FBLN7: variants seen among roughly 807,000 people sequenced by gnomAD.
The protein encoded by FBLN7 is fibulin-7.
Under a neutral mutation model 44.0 loss-of-function variants are expected in FBLN7, and 31 were observed. The observed-to-expected ratio is 0.70, with a 90% CI of 0.53 to 0.95. FBLN7 has a LOEUF of 0.95. Ranked by LOEUF, FBLN7 falls within the 40% of genes least tolerant of loss-of-function variation. FBLN7 has a pLI of 0.00. For missense variants in FBLN7, 573 were observed against 618.5 expected, an observed-to-expected ratio of 0.93 and a Z score of 0.78; for synonymous variants, 262 against 253.4, an observed-to-expected ratio of 1.03 and a Z score of -0.32.
Position 112,187,687 on chromosome 2 carries a change from A to G in FBLN7, c.*181A>G. On this transcript the variant is annotated 3_prime_UTR_variant, in exon 8 of 8. Coordinates refer to ENST00000331203, the MANE Select transcript of FBLN7 (RefSeq NM_153214.3). This position sits in a 1 kb window ranked among gnomAD's most constrained non-coding sequence, Gnocchi z 5.1. Reference sequence around the variant, plus strand: ...AATAGCACGGAAGAGCAGCCACAAAACTCAACTGCTGCCATCACTCTTTTT... The same window carrying G: ...AATAGCACGGAAGAGCAGCCACAAAGCTCAACTGCTGCCATCACTCTTTTT... The G allele has an allele frequency of 2.8e-6, 2 of 706,836 alleles. No homozygotes were observed. Among genetic ancestry groups the G allele is most frequent in the Non-Finnish European group, 4.5e-6 (2 of 441,076 alleles). 43.8% of individuals were successfully genotyped at this position (706,836 alleles called of 1,614,324 possible).
At position 112,147,480 on chromosome 2, in the gene FBLN7, C is replaced by T. The variant is rs117339167; in HGVS notation, c.75+8750C>T. ...TTTTTAATTTTCCTAGAGTTTATTC[C>T]CTTTTGCCTCAGTCTGCCGTCTACA... is the stretch of plus-strand genomic sequence containing the variant. On this transcript the variant is annotated intron_variant, in intron 1 of 7. Coordinates refer to ENST00000331203, the MANE Select transcript of FBLN7 (RefSeq NM_153214.3). Among the ~76,000 whole-genome samples the T allele has an allele frequency of 9.2e-5, 14 of 152,224 alleles. No individual in the cohort carries two copies. The East Asian group carries it at 2.7e-3, about 29-fold the overall frequency.
At chr2:112,218,594 G>A in the FBLN7 span, among the ~76,000 whole-genome samples, 41 of 152,130 alleles carry the variant, frequency 2.7e-4, no homozygotes, top group Non-Finnish European at 3.7e-4. Context: ...AACAACACAA[G>A]TTTGAACTGT....
Position 112,181,858 on chromosome 2 carries a change from G to C in FBLN7, c.652G>C (p.Gly218Arg), listed in dbSNP as rs780750281. 3.6e-5 allele frequency: 55 copies of C among 1,529,400 alleles called. No homozygotes were observed. Among genetic ancestry groups the C allele is most frequent in the Admixed American group, 1.2e-4 (6 of 50,192 alleles). 94.7% of individuals were successfully genotyped at this position (1,529,400 alleles called of 1,614,324 possible). A position where few individuals can be genotyped will look rare whatever the true frequency, so the allele number is the denominator to read the frequency against. ...EAGFHLSGAA[G>R]DSVCQDVNEC... ...CGGATTCCACCTGAGCGGCGCCGCC[G>C]GCGACAGCGTCTGCCAGGGTAGGCG... Residue 218 changes from glycine to arginine, a missense_variant, in exon 5 of 8, where the codon GGC becomes CGC. By Grantham distance (125) the Gly-to-Arg change is moderately radical (BLOSUM62 -2). Transcript: ENST00000331203.
At chr2:112,233,982 A>G in the FBLN7 span, 20 of 552,366 alleles carry the variant, frequency 3.6e-5, no homozygotes, top group Non-Finnish European at 5.6e-5. Context: ...ACATAAAAGA[A>G]TACTTCACTA....
the FBLN7 span, among the ~76,000 whole-genome samples, chr2:112,198,154 A>G: frequency 6.6e-6 from 1 of 152,134 alleles, no homozygotes; most frequent in Non-Finnish European, 1.5e-5. Context: ...CCTCTGTAAC[A>G]ATATTCCTGC....
At chr2:112,238,460 T>C in the FBLN7 span, 83 of 1,613,382 alleles carry the variant, frequency 5.1e-5, no homozygotes, top group Non-Finnish European at 6.4e-5. Context: ...TATCACTATA[T>C]ACATCATAGT....
chr2:112,163,725 G>GGCTGCTTCCTGCCTGGGCTCCA (rs755605008), intron 2 of FBLN7, among the ~76,000 whole-genome samples: 7 of 152,312 alleles, frequency 4.6e-5, no homozygotes, highest in African/African-American at 1.4e-4. Context: ...TGCTGAGAGA[G>GGCTGCTTCCTGCCTGGGCTCCA]ACCTCCAGAG....
rs1329389287 is a variant in FBLN7 at position 112,187,481 on chromosome 2, T to A, written c.1295T>A (p.Ile432Asn). 1 of 1,614,166 alleles carries A rather than the reference T, an allele frequency of 6.2e-7. No individual in the cohort carries two copies. Among genetic ancestry groups the A allele is most frequent in the South Asian group, 1.1e-5 (1 of 91,090 alleles). ...GCCAACCACGTGTCCAAGGTCACCA[T>A]CTTTGTATCCCCCTATGACTTCTGA... is the stretch of plus-strand genomic sequence containing the variant. ...FQANHVSKVT[I>N]FVSPYDF Residue 432 changes from isoleucine (I) to asparagine (N), a missense_variant, in exon 8 of 8, where the codon ATC (isoleucine) becomes AAC (asparagine). Physicochemically the swap from Ile to Asn is moderately radical, Grantham distance 149. Transcript: ENST00000331203. The surrounding 1 kb of genome is among the most constrained non-coding windows in gnomAD (Gnocchi z 5.1).
the FBLN7 span, among the ~76,000 whole-genome samples, chr2:112,237,054 C>A: frequency 1.3e-5 from 2 of 152,158 alleles, no homozygotes; most frequent in Admixed American, 6.5e-5. Flanking sequence ...GAGTGAGAAC[C>A]TGTCGCAAAA....
chr2:112,157,140 C>T (rs376575773), intron 1 of FBLN7, among the ~76,000 whole-genome samples: 3 of 152,304 alleles, frequency 2.0e-5, no homozygotes, highest in Admixed American at 6.5e-5. Context: ...GAGGCCAAGG[C>T]AGGCAGATCA....
chr2:112,232,366 CTATT>C, the FBLN7 span, among the ~76,000 whole-genome samples: 4 of 149,436 alleles, frequency 2.7e-5, no homozygotes, highest in South Asian at 6.5e-4. Context: ...CTGGATTTCT[CTATT>C]TAAAGTATGA....
At chr2:112,166,597 G>A (rs1172613768) in intron 3 of FBLN7, among the ~76,000 whole-genome samples, 1 of 151,872 alleles carries the variant, frequency 6.6e-6, no homozygotes, top group Non-Finnish European at 1.5e-5. Context: ...AACAAAACAG[G>A]GGAAATGCCA....
the FBLN7 span, among the ~76,000 whole-genome samples, chr2:112,218,392 G>T: frequency 6.6e-6 from 1 of 151,978 alleles, no homozygotes; most frequent in African/African-American, 2.4e-5. Flanking sequence ...TATTGAGTAT[G>T]GTGCATTCCT....
the FBLN7 span, among the ~76,000 whole-genome samples, chr2:112,197,256 CACACACACACACACACACAGAGAGAG>C: frequency 7.9e-6 from 1 of 125,880 alleles, no homozygotes; most frequent in African/African-American, 3.1e-5. Flanking sequence ...CACACACACA[CACACACACACACACACACAGAGAGAG>C]AGAGAGAGAG....
Position 112,187,036 on chromosome 2 carries a change from G to C in FBLN7, c.948-98G>C, listed in dbSNP as rs1683299600. On this transcript the variant is annotated intron_variant, in intron 7 of 7. Coordinates refer to ENST00000331203, the MANE Select transcript of FBLN7 (RefSeq NM_153214.3). This position sits in a 1 kb window ranked among gnomAD's most constrained non-coding sequence, Gnocchi z 5.1. ...ACCCGTGGCTGGGAAAGGTCATCTAGGTGGCCTCTGCAAGAGGGCAGGTGG... is the reference window on the plus strand; with the variant it reads ...ACCCGTGGCTGGGAAAGGTCATCTACGTGGCCTCTGCAAGAGGGCAGGTGG... The C allele has an allele frequency of 1.4e-6, 2 of 1,467,726 alleles. No individual in the cohort carries two copies. Among genetic ancestry groups the C allele is most frequent in the Non-Finnish European group, 1.8e-6 (2 of 1,085,206 alleles). 90.9% of individuals were successfully genotyped at this position (1,467,726 alleles called of 1,614,324 possible).
At chr2:112,224,623 T>C in the FBLN7 span, among the ~76,000 whole-genome samples, 5 of 152,118 alleles carry the variant, frequency 3.3e-5, no homozygotes, top group Admixed American at 6.5e-5. Flanking sequence ...AGTATATCCA[T>C]ACAAAAGAAC....
At chr2:112,178,468 C>T (rs1302296807) in intron 4 of FBLN7, among the ~76,000 whole-genome samples, 1 of 152,124 alleles carries the variant, frequency 6.6e-6, no homozygotes. Flanking sequence ...TTCCAAAAAA[C>T]TGAGGAGGAT....
At chr2:112,186,006 G>A (rs4849051) in intron 7 of FBLN7, among the ~76,000 whole-genome samples, 109,818 of 151,966 alleles carry the variant, frequency 0.72, 40,228 homozygotes, top group East Asian at 0.98. Context: ...AACAGCCATG[G>A]AGGGTAACTT....
At chr2:112,198,387 A>G in the FBLN7 span, among the ~76,000 whole-genome samples, 2 of 152,184 alleles carry the variant, frequency 1.3e-5, no homozygotes, top group Admixed American at 1.3e-4. Flanking sequence ...CTATAATCCC[A>G]GCACTTTGGG....
Sources: allele counts gnomAD v4.1 joint callset (sites outside exome capture counted in the v4.1 genomes callset), GRCh38; gene constraint gnomAD v4.1.1; non-coding constraint Gnocchi (gnomAD v3.1); transcripts MANE v1.5; gene names NCBI Gene and HGNC (gene_info 2026-07-23, HGNC 2026-07-21).